The following DZIP3 variants were observed in gnomAD, a reference collection of about 807,000 sequenced individuals.
DZIP3 encodes the protein DAZ interacting zinc finger protein 3.
A neutral mutation model predicts 162.0 loss-of-function variants in DZIP3; 118 were observed. That is an observed-to-expected ratio of 0.73 (90% CI 0.63 to 0.85). The LOEUF is 0.85. Among genes scored for constraint, DZIP3 ranks in the 40% least tolerant of loss-of-function variants. The pLI, the probability that DZIP3 is intolerant of heterozygous loss-of-function variation, is 0.00. For synonymous variants in DZIP3, 438 were observed against 458.6 expected, an observed-to-expected ratio of 0.96 and a Z score of 0.57; for missense variants, 1,331 against 1,407.0, an observed-to-expected ratio of 0.95 and a Z score of 0.86.
intron 2 of DZIP3, among the ~76,000 whole-genome samples, chr3:108,606,074 A>G (rs1030864866): frequency 6.6e-6 from 1 of 152,218 alleles, no homozygotes; most frequent in Admixed American, 6.5e-5. Context: ...AAGTGCTTAC[A>G]TAGACTTACT....
intron 31 of DZIP3, among the ~76,000 whole-genome samples, chr3:108,689,157 T>A (rs113702321): frequency 2.0e-3 from 299 of 152,190 alleles, no homozygotes; most frequent in African/African-American, 6.1e-3. Flanking sequence ...ATGTTGAGAG[T>A]CAGATGGTAC....
chr3:108,628,418 G>A (rs1941683647), intron 7 of DZIP3, among the ~76,000 whole-genome samples: 1 of 152,132 alleles, frequency 6.6e-6, no homozygotes, highest in Non-Finnish European at 1.5e-5. Flanking sequence ...TAATTTTAGT[G>A]TAGTTCTGTT....
In DZIP3 at chr3:108,662,152, C is replaced by T. The variant is rs1943468619; in HGVS notation, c.2318C>T (p.Thr773Ile). The T allele has an allele frequency of 6.2e-7, 1 of 1,606,742 alleles. No homozygotes were observed. The highest frequency in any genetic ancestry group is 1.3e-5 in the African/African-American group (1 of 74,448). Reference sequence around the variant, plus strand: ...CAGGATTTCAAAAGACAGTTGAGAACAGTGACTTTTCGGTGGCAAGAAAAC... The same window carrying T: ...CAGGATTTCAAAAGACAGTTGAGAATAGTGACTTTTCGGTGGCAAGAAAAC... ...QCEDFKRQLR[T>I]VTFRWQENQM... Residue 773 changes from threonine (T) to isoleucine (I), a missense_variant, in exon 21 of 33, where the codon ACA becomes ATA. Physicochemically the swap from Thr to Ile is moderately conservative, Grantham distance 89 (BLOSUM62 -1). Coordinates refer to ENST00000361582, the MANE Select transcript of DZIP3 (RefSeq NM_014648.4).
chr3:108,677,809 T>G (rs4410447), intron 26 of DZIP3, among the ~76,000 whole-genome samples: 32,075 of 151,876 alleles, frequency 0.21, 3,907 homozygotes, highest in East Asian at 0.45. Context: ...TATCACTGGA[T>G]TTTAGTGAAG....
chr3:108,683,441 A>AT (rs1307318437), intron 26 of DZIP3, among the ~76,000 whole-genome samples: 1 of 152,042 alleles, frequency 6.6e-6, no homozygotes, highest in Non-Finnish European at 1.5e-5. Context: ...GCTGTTCCTC[A>AT]TTTTTTAAGT....
Position 108,644,075 on chromosome 3 carries a change from C to T in DZIP3, c.1142-89C>T, listed in dbSNP as rs561005057. 3.5e-6 allele frequency: 5 copies of T among 1,441,982 alleles called. No individual in the cohort carries two copies. In the South Asian group the frequency reaches 7.1e-5, roughly 20 times the overall value. 89.3% of individuals were successfully genotyped at this position (1,441,982 alleles called of 1,614,324 possible). ...TTCATTCTTTTGGAATAGTTTTTAT[C>T]CTACAGGAGCTTAGGATACAATGTG... On this transcript the variant is annotated intron_variant, in intron 13 of 32. Transcript: ENST00000361582.
intron 1 of DZIP3, among the ~76,000 whole-genome samples, chr3:108,591,807 GCAACATAGTGAAACGC>G (rs1343631016): frequency 6.6e-6 from 1 of 152,018 alleles, no homozygotes; most frequent in African/African-American, 2.4e-5. Context: ...GCCAGCCTAG[GCAACATAGTGAAACGC>G]CATCTCTACA....
Position 108,662,275 on chromosome 3 carries a change from GAT to G in DZIP3, c.2423+20_2423+21del. The G allele has an allele frequency of 6.4e-7, 1 of 1,572,258 alleles. No individual in the cohort carries two copies. The highest frequency in any genetic ancestry group is 1.4e-5 in the African/African-American group (1 of 72,612). ...GTTTCCAAGTAAGTGTAAATCTTTT[GAT>G]AAAGGGAAATTCTGCGCCGTAATAA... is the stretch of plus-strand genomic sequence containing the variant. On this transcript the variant is annotated intron_variant, in intron 21 of 32. Coordinates refer to ENST00000361582, the MANE Select transcript of DZIP3 (RefSeq NM_014648.4).
chr3:108,603,490 G>C (rs942809157), intron 1 of DZIP3, among the ~76,000 whole-genome samples: 2 of 152,040 alleles, frequency 1.3e-5, no homozygotes, highest in Non-Finnish European at 2.9e-5. Flanking sequence ...ATATGACTTG[G>C]CTTACTGAAT....
At chr3:108,677,710 A>G (rs1317115445) in intron 26 of DZIP3, 112 bp downstream of exon 26, 1 of 928,340 alleles carries the variant, frequency 1.1e-6, no homozygotes, top group Non-Finnish European at 1.7e-6. Flanking sequence ...TGGAATAGGC[A>G]CATATTGTGA....
intron 31 of DZIP3, among the ~76,000 whole-genome samples, chr3:108,689,912 A>T (rs2107441843): frequency 6.6e-6 from 1 of 152,326 alleles, no homozygotes; most frequent in East Asian, 1.9e-4. Flanking sequence ...CCATGTTTGT[A>T]AGACATCATT....
intron 26 of DZIP3, among the ~76,000 whole-genome samples, 193 bp downstream of exon 26, chr3:108,677,791 A>G (rs751662381): frequency 1.3e-5 from 2 of 152,024 alleles, no homozygotes; most frequent in Non-Finnish European, 2.9e-5. Flanking sequence ...GGCCTATACA[A>G]TAGGTTGTAT....
chr3:108,611,055 G>A, intron 3 of DZIP3, 119 bp from the exon 4 acceptor site: 1 of 942,668 alleles, frequency 1.1e-6, no homozygotes, highest in African/African-American at 1.7e-5. Context: ...TGTCATAGAA[G>A]CTAGGAGAAC....
intron 21 of DZIP3, among the ~76,000 whole-genome samples, chr3:108,668,415 G>A (rs1011180155): frequency 3.3e-5 from 5 of 151,950 alleles, no homozygotes; most frequent in Non-Finnish European, 7.4e-5. Context: ...ATCTGAGCTG[G>A]ATAATAAGAA....
intron 32 of DZIP3, among the ~76,000 whole-genome samples, chr3:108,692,982 C>T (rs1345662374): frequency 1.3e-5 from 2 of 150,536 alleles, no homozygotes; most frequent in African/African-American, 4.9e-5. Flanking sequence ...GTTCTCTTGT[C>T]AATCTGTCTT....
At chr3:108,631,057 T>TACACA (rs1373144207) in intron 8 of DZIP3, among the ~76,000 whole-genome samples, 1 of 39,846 alleles carries the variant, frequency 2.5e-5, no homozygotes, top group African/African-American at 1.1e-4. Flanking sequence ...ACACACACAC[T>TACACA]CTCTCTCTCT....
At chr3:108,650,085 A>G (rs573917357) in intron 17 of DZIP3, among the ~76,000 whole-genome samples, 21 of 151,948 alleles carry the variant, frequency 1.4e-4, no homozygotes, top group African/African-American at 5.1e-4. Context: ...TTGCAAAGGC[A>G]TATAGTGTGT....
intron 7 of DZIP3, among the ~76,000 whole-genome samples, chr3:108,628,471 T>G (rs1040754173): frequency 1.7e-4 from 26 of 152,206 alleles, no homozygotes; most frequent in Non-Finnish European, 5.9e-5. Context: ...TCTACCCTTA[T>G]GGTTAAATCC....
At chr3:108,653,317 G>A (rs1942946259) in intron 18 of DZIP3, among the ~76,000 whole-genome samples, 1 of 151,186 alleles carries the variant, frequency 6.6e-6, no homozygotes, top group Non-Finnish European at 1.5e-5. Context: ...GTATCTTAGA[G>A]TTTCTATTCA....
Sources: gnomAD v4.1 joint callset for allele counts (sites outside exome capture counted in the v4.1 genomes callset) on GRCh38, gnomAD v4.1.1 for gene constraint, MANE v1.5 for transcripts, NCBI Gene and HGNC (gene_info 2026-07-23, HGNC 2026-07-21) for gene names.